CATSPERT: variants seen among roughly 807,000 people sequenced by gnomAD.
CATSPERT encodes catsper channel auxiliary subunit tau.
At chr2:201,594,717 A>G in the CATSPERT span, among the ~76,000 whole-genome samples, 4 of 151,544 alleles carry the variant, frequency 2.6e-5, no homozygotes, top group African/African-American at 7.3e-5. Flanking sequence ...TTCTCACTTC[A>G]TTTCATTCAT....
At chr2:201,601,609 G>C in the CATSPERT span, 2 of 821,888 alleles carry the variant, frequency 2.4e-6, no homozygotes, top group Non-Finnish European at 3.7e-6. Context: ...AATACTGTAA[G>C]ATACCAAATA....
the CATSPERT span, among the ~76,000 whole-genome samples, chr2:201,582,780 G>C: frequency 6.6e-6 from 1 of 152,074 alleles, no homozygotes; most frequent in Admixed American, 6.5e-5. Context: ...TTTAATATCT[G>C]TACACTATTG....
At chr2:201,494,036 T>A in the CATSPERT span, 1 of 1,535,784 alleles carries the variant, frequency 6.5e-7, no homozygotes, top group South Asian at 1.2e-5. Flanking sequence ...GCAGGAATAT[T>A]TTCAATTATT....
chr2:201,552,760 T>C, the CATSPERT span: 1 of 152,192 alleles, frequency 6.6e-6, no homozygotes, highest in Non-Finnish European at 1.5e-5. Context: ...CTCAATTACA[T>C]TTATCATCTT....
chr2:201,548,159 T>A, the CATSPERT span, among the ~76,000 whole-genome samples: 1 of 152,114 alleles, frequency 6.6e-6, no homozygotes, highest in Non-Finnish European at 1.5e-5. Context: ...CATCAACTCA[T>A]CATTTACATT....
chr2:201,544,755 C>T, the CATSPERT span, among the ~76,000 whole-genome samples: 2 of 145,360 alleles, frequency 1.4e-5, no homozygotes, highest in African/African-American at 5.1e-5. Flanking sequence ...GAAGCCAAGG[C>T]AGGAGGATTG....
the CATSPERT span, among the ~76,000 whole-genome samples, chr2:201,490,241 A>T: frequency 6.6e-6 from 1 of 152,220 alleles, no homozygotes; most frequent in Non-Finnish European, 1.5e-5. Context: ...GTGAAAAAAG[A>T]AAAGACTAGA....
chr2:201,497,844 A>G, the CATSPERT span, among the ~76,000 whole-genome samples: 1 of 152,236 alleles, frequency 6.6e-6, no homozygotes, highest in Non-Finnish European at 1.5e-5. Context: ...CTTTCTCCCA[A>G]GGTTCCAGTA....
At chr2:201,608,442 C>A in the CATSPERT span, among the ~76,000 whole-genome samples, 2 of 151,910 alleles carry the variant, frequency 1.3e-5, no homozygotes, top group African/African-American at 4.8e-5. Context: ...GGCATGTGAC[C>A]CTCGAGGAAT....
At chr2:201,608,336 G>A in the CATSPERT span, among the ~76,000 whole-genome samples, 2 of 151,996 alleles carry the variant, frequency 1.3e-5, no homozygotes, top group Non-Finnish European at 2.9e-5. Flanking sequence ...TTAACTGAAT[G>A]CCAAAAAACT....
At chr2:201,524,881 G>A in the CATSPERT span, among the ~76,000 whole-genome samples, 108,865 of 152,114 alleles carry the variant, frequency 0.72, 39,509 homozygotes, top group East Asian at 0.96. Context: ...AAGACATTAC[G>A]TAAGATAAAG....
the CATSPERT span, among the ~76,000 whole-genome samples, chr2:201,587,077 G>A: frequency 6.6e-6 from 1 of 151,818 alleles, no homozygotes; most frequent in African/African-American, 2.4e-5. Context: ...ATATCACAAT[G>A]TATCTTGAAT....
the CATSPERT span, among the ~76,000 whole-genome samples, chr2:201,495,150 T>G: frequency 6.6e-6 from 1 of 151,908 alleles, no homozygotes; most frequent in African/African-American, 2.4e-5. Flanking sequence ...CATAGCAATG[T>G]AGGAAATTTT....
chr2:201,604,495 C>T, the CATSPERT span: 1 of 522,924 alleles, frequency 1.9e-6, no homozygotes, highest in Non-Finnish European at 3.2e-6. Flanking sequence ...TTTTCTGACT[C>T]ATAAAAATGA....
the CATSPERT span, among the ~76,000 whole-genome samples, chr2:201,562,803 C>T: frequency 8.9e-6 from 1 of 112,184 alleles, no homozygotes; most frequent in African/African-American, 3.3e-5. Context: ...GTGGACACAG[C>T]ACATGTTTCA....
At chr2:201,575,171 TA>T in the CATSPERT span, 1 of 891,584 alleles carries the variant, frequency 1.1e-6, no homozygotes, top group Non-Finnish European at 1.6e-6. Context: ...GTATGGTAAC[TA>T]AAAGAATAAA....
chr2:201,595,621 C>A, the CATSPERT span, among the ~76,000 whole-genome samples: 9 of 151,850 alleles, frequency 5.9e-5, no homozygotes, highest in Non-Finnish European at 1.3e-4. Flanking sequence ...GGTCAGGGAC[C>A]CACTTGAGGA....
At chr2:201,495,686 T>C in the CATSPERT span, among the ~76,000 whole-genome samples, 1 of 37,634 alleles carries the variant, frequency 2.7e-5, no homozygotes, top group Non-Finnish European at 4.7e-5. Flanking sequence ...ATCCCCTTGG[T>C]TTTTTTTTTT....
At chr2:201,585,507 T>C in the CATSPERT span, among the ~76,000 whole-genome samples, 1 of 151,780 alleles carries the variant, frequency 6.6e-6, no homozygotes, top group Non-Finnish European at 1.5e-5. Context: ...AGAAGGTAAC[T>C]GACCCCAGGA....
Sources: allele counts gnomAD v4.1 joint callset (sites outside exome capture counted in the v4.1 genomes callset), GRCh38; gene constraint gnomAD v4.1.1; transcripts MANE v1.5; gene names NCBI Gene and HGNC (gene_info 2026-07-23, HGNC 2026-07-21).